The following PAQR5 variants were observed in gnomAD, a reference collection of about 807,000 sequenced individuals.
PAQR5 encodes membrane progestin receptor gamma.
In PAQR5, 20 loss-of-function variants were observed where a neutral mutation model predicts 34.5. The ratio of observed to expected loss-of-function variants is 0.58; its 90% confidence interval spans 0.41 to 0.84. The LOEUF (loss-of-function observed/expected upper bound fraction) is 0.84. PAQR5 is among the 40% of genes least tolerant of loss of function. PAQR5 has a pLI of 0.00. For synonymous variants in PAQR5, 131 were observed against 155.6 expected (o/e 0.84, Z 1.18); for missense variants, 378 against 412.7 (o/e 0.92, Z 0.73).
chr15:69,376,584 C>T (rs1253828879), intron 3 of PAQR5, among the ~76,000 whole-genome samples: 1 of 152,160 alleles, frequency 6.6e-6, no homozygotes, highest in African/African-American at 2.4e-5. Flanking sequence ...AGAGGGACTC[C>T]TTTTATTATC....
chr15:69,299,407 C>G (rs979912839), intron 1 of PAQR5, among the ~76,000 whole-genome samples: 14 of 152,230 alleles, frequency 9.2e-5, no homozygotes, highest in African/African-American at 3.4e-4. Flanking sequence ...CACCGCCCCC[C>G]TCCCGCCGCC....
intron 3 of PAQR5, among the ~76,000 whole-genome samples, chr15:69,370,092 G>A (rs1274084944): frequency 1.3e-5 from 2 of 152,102 alleles, no homozygotes; most frequent in South Asian, 2.1e-4. Flanking sequence ...ACATCTAATC[G>A]ACCATCATTC....
intron 4 of PAQR5, among the ~76,000 whole-genome samples, chr15:69,384,117 G>GT (rs2140936057): frequency 7.5e-6 from 1 of 133,130 alleles, no homozygotes; most frequent in South Asian, 2.6e-4. Context: ...GGGTGAGTGG[G>GT]CCTCTGTGCT....
intron 1 of PAQR5, among the ~76,000 whole-genome samples, chr15:69,319,713 A>G (rs576953369): frequency 1.3e-5 from 2 of 152,136 alleles, no homozygotes; most frequent in South Asian, 4.2e-4. Context: ...CTCGATTTGG[A>G]CATTTTTGGA....
intron 5 of PAQR5, among the ~76,000 whole-genome samples, chr15:69,388,214 TC>T (rs2056165337): frequency 6.6e-6 from 1 of 152,188 alleles, no homozygotes. Flanking sequence ...CAGGGGTTCC[TC>T]CCTCAGGCCA....
At chr15:69,371,203 A>G (rs2055552441) in intron 3 of PAQR5, among the ~76,000 whole-genome samples, 1 of 152,140 alleles carries the variant, frequency 6.6e-6, no homozygotes, top group Non-Finnish European at 1.5e-5. Flanking sequence ...GATTCCATTC[A>G]GTTTTATTGA....
intron 2 of PAQR5, among the ~76,000 whole-genome samples, chr15:69,342,038 A>C (rs946963008): frequency 2.0e-5 from 3 of 152,116 alleles, no homozygotes; most frequent in African/African-American, 7.2e-5. Context: ...AGAAACTGTC[A>C]TACTGTTTTC....
rs994161874 is a variant in PAQR5, at chr15:69,385,260, G to A, written c.385+378G>A. 1.9e-4 allele frequency among the ~76,000 whole-genome samples: 29 copies of A among 152,194 alleles called. No individual in the cohort carries two copies. The highest frequency in any genetic ancestry group is 7.0e-4 in the African/African-American group (29 of 41,440). ...CAGATACAGTAGATGTAGTCATTGA[G>A]TACTCAGTACTTTTGTTAATATGAT... On this transcript the variant is annotated intron_variant, in intron 5 of 8. Transcript: ENST00000395407. This position sits in a 1 kb window ranked among gnomAD's most constrained non-coding sequence, Gnocchi z 4.7.
chr15:69,401,868 C>T (rs2056638490), intron 8 of PAQR5, among the ~76,000 whole-genome samples: 1 of 152,088 alleles, frequency 6.6e-6, no homozygotes, highest in Non-Finnish European at 1.5e-5. Context: ...TTGAATATTT[C>T]TTCTGAGATA....
intron 1 of PAQR5, among the ~76,000 whole-genome samples, chr15:69,316,373 GCCCGGC>G (rs2053950235): frequency 6.6e-6 from 1 of 152,050 alleles, no homozygotes; most frequent in African/African-American, 2.4e-5. Context: ...GAGCCACCGT[GCCCGGC>G]CATAAGGTTT....
intron 1 of PAQR5, among the ~76,000 whole-genome samples, chr15:69,324,225 CA>C (rs1208075535): frequency 6.6e-6 from 1 of 152,030 alleles, no homozygotes; most frequent in African/African-American, 2.4e-5. Flanking sequence ...GCCATCCTCA[CA>C]CAGGGAGTGC....
At chr15:69,347,169 A>G (rs557655145) in intron 2 of PAQR5, among the ~76,000 whole-genome samples, 1 of 152,318 alleles carries the variant, frequency 6.6e-6, no homozygotes, top group South Asian at 2.1e-4. Context: ...TTTAAATGCA[A>G]AATAACCACG....
intron 3 of PAQR5, among the ~76,000 whole-genome samples, chr15:69,365,184 G>A (rs925725349): frequency 7.9e-5 from 12 of 151,620 alleles, no homozygotes; most frequent in African/African-American, 2.4e-4. Flanking sequence ...TCGGCTCACC[G>A]CAACCTCTGC....
At position 69,299,325 on chromosome 15, in the gene PAQR5, G is replaced by A. The variant is rs552607511; in HGVS notation, c.-277+269G>A. ...AGGCTCTCTGCTGCAATCGAGGGCGGTGAGGGGAGCTGTTGCCTTCTCGCA... is the reference window on the plus strand; with the variant it reads ...AGGCTCTCTGCTGCAATCGAGGGCGATGAGGGGAGCTGTTGCCTTCTCGCA... On this transcript the variant is annotated intron_variant, in intron 1 of 8. Transcript: ENST00000395407. 1.4e-4 allele frequency among the ~76,000 whole-genome samples: 22 copies of A among 152,350 alleles called. No homozygotes were observed. In the South Asian group the frequency reaches 4.6e-3, roughly 32 times the overall value.
rs1046967964 is a variant in PAQR5 at position 69,403,813 on chromosome 15, A to G, written c.984A>G (p.Lys328=). The change falls in exon 9 of 9, where the codon AAA becomes AAG. Residue 328 remains lysine, a synonymous_variant. Coordinates refer to ENST00000395407, the MANE Select transcript of PAQR5 (RefSeq NM_017705.4). ...TTCCCAAGCCAGAATTACATAAAAAAGAAACATGACTCAGACCATAAGCTT... is the reference window on the plus strand; with the variant it reads ...TTCCCAAGCCAGAATTACATAAAAAGGAAACATGACTCAGACCATAAGCTT... ...YRIPKPELHK[K]ET is the part of the protein sequence containing the mutation. The G allele has an allele frequency of 6.2e-7, 1 of 1,613,884 alleles. No individual in the cohort carries two copies. Among genetic ancestry groups the G allele is most frequent in the Admixed American group, 1.7e-5 (1 of 60,004 alleles).
In PAQR5 at chr15:69,300,881, CT is replaced by C. The variant is rs1351293878; in HGVS notation, c.-277+1828del. Among the ~76,000 whole-genome samples the C allele has an allele frequency of 9.7e-4, 28 of 28,896 alleles. 9 individuals are homozygous for C. Among genetic ancestry groups the C allele is most frequent in the Non-Finnish European group, 1.5e-3 (16 of 11,012 alleles). The allele number at this position is 28,896 out of a possible 152,430, so 19.0% of individuals were successfully genotyped here. A position where few individuals can be genotyped will look rare whatever the true frequency, so the allele number is the denominator to read the frequency against. On this transcript the variant is annotated intron_variant, in intron 1 of 8. Coordinates refer to ENST00000395407, the MANE Select transcript of PAQR5 (RefSeq NM_017705.4). ...TCTTTCTTTCTTTCTTTCTTTCTTT[CT>C]TTCTTTCTTTCTTCCTTCCTTCCTT...
intron 3 of PAQR5, among the ~76,000 whole-genome samples, chr15:69,370,517 C>T (rs540594010): frequency 5.3e-5 from 8 of 152,020 alleles, no homozygotes; most frequent in South Asian, 2.1e-4. Flanking sequence ...TTATTATTTA[C>T]TTATTTATTT....
At chr15:69,389,001 C>T (rs577027709) in intron 5 of PAQR5, among the ~76,000 whole-genome samples, 28 of 152,336 alleles carry the variant, frequency 1.8e-4, no homozygotes, top group South Asian at 1.0e-3. Context: ...GCAAAAAGGT[C>T]GCTAGAAGGT....
At chr15:69,318,283 C>T (rs188513771) in intron 1 of PAQR5, among the ~76,000 whole-genome samples, 21 of 152,184 alleles carry the variant, frequency 1.4e-4, no homozygotes, top group African/African-American at 2.2e-4. Flanking sequence ...AAATGCATCT[C>T]GAAGCAGAGG....
Sources: gnomAD v4.1 joint callset for allele counts (sites outside exome capture counted in the v4.1 genomes callset) on GRCh38, gnomAD v4.1.1 for gene constraint, Gnocchi (gnomAD v3.1) non-coding constraint, MANE v1.5 for transcripts, NCBI Gene and HGNC (gene_info 2026-07-23, HGNC 2026-07-21) for gene names.